TASP1: variants seen among roughly 807,000 people sequenced by gnomAD.
TASP1 encodes taspase 1, also known as threonine aspartase 1.
Under a neutral mutation model 56.6 loss-of-function variants are expected in TASP1, and 16 were observed. That is an observed-to-expected ratio of 0.28 (90% CI 0.19 to 0.43). TASP1 has a LOEUF of 0.43. Among genes scored for constraint, TASP1 ranks in the 20% least tolerant of loss-of-function variants. TASP1 has a pLI of 1.00. For synonymous variants in TASP1, 179 were observed against 184.2 expected, an observed-to-expected ratio of 0.97 and a Z score of 0.23; for missense variants, 393 against 511.6, an observed-to-expected ratio of 0.77 and a Z score of 2.24.
the TASP1 span, among the ~76,000 whole-genome samples, chr20:13,151,345 T>G: frequency 6.6e-6 from 1 of 152,220 alleles, no homozygotes; most frequent in Non-Finnish European, 1.5e-5. Context: ...GATAGACCAG[T>G]GTATGGCTTC....
At chr20:13,296,492 C>G in the TASP1 span, among the ~76,000 whole-genome samples, 1 of 152,216 alleles carries the variant, frequency 6.6e-6, no homozygotes, top group East Asian at 1.9e-4. Flanking sequence ...ACCATAAGAT[C>G]TGCAAGCATC....
the TASP1 span, among the ~76,000 whole-genome samples, chr20:13,133,605 A>G: frequency 6.6e-6 from 1 of 152,126 alleles, no homozygotes; most frequent in African/African-American, 2.4e-5. Context: ...ATGGTGGCAC[A>G]AACCTGTAAT....
chr20:13,361,224 G>A, the TASP1 span, among the ~76,000 whole-genome samples: 1 of 152,116 alleles, frequency 6.6e-6, no homozygotes, highest in Non-Finnish European at 1.5e-5. Flanking sequence ...CTTAGTCTAG[G>A]TAGACGCTTT....
At chr20:13,468,417 C>A (rs2044347179) in intron 11 of TASP1, among the ~76,000 whole-genome samples, 1 of 152,128 alleles carries the variant, frequency 6.6e-6, no homozygotes, top group Non-Finnish European at 1.5e-5. Flanking sequence ...ACACTTCATT[C>A]TTCTCTCAAG....
chr20:13,285,578 G>A, the TASP1 span, among the ~76,000 whole-genome samples: 11 of 152,154 alleles, frequency 7.2e-5, no homozygotes, highest in South Asian at 2.1e-4. Flanking sequence ...GCAGCAAGAC[G>A]GAATGCACGG....
At chr20:13,574,084 T>G (rs905845115) in intron 6 of TASP1, among the ~76,000 whole-genome samples, 3 of 150,342 alleles carry the variant, frequency 2.0e-5, no homozygotes, top group African/African-American at 7.4e-5. Flanking sequence ...TAAGAAGAAA[T>G]TACCCAAAGC....
chr20:13,214,743 A>G, the TASP1 span, among the ~76,000 whole-genome samples: 1 of 152,062 alleles, frequency 6.6e-6, no homozygotes, highest in African/African-American at 2.4e-5. Flanking sequence ...GCCAGCTTGT[A>G]AAAAGCCTGG....
At chr20:13,146,149 A>G in the TASP1 span, among the ~76,000 whole-genome samples, 1 of 152,218 alleles carries the variant, frequency 6.6e-6, no homozygotes, top group Non-Finnish European at 1.5e-5. Flanking sequence ...GCTGGAGGCT[A>G]TTCTCCTTAG....
intron 10 of TASP1, among the ~76,000 whole-genome samples, chr20:13,503,263 C>T (rs930519727): frequency 2.0e-5 from 3 of 152,088 alleles, no homozygotes; most frequent in Non-Finnish European, 4.4e-5. Context: ...TTCACAACAC[C>T]TTCCCCCAGG....
chr20:13,153,824 A>G, the TASP1 span, among the ~76,000 whole-genome samples: 10 of 152,142 alleles, frequency 6.6e-5, no homozygotes, highest in Admixed American at 2.0e-4. Context: ...GGTGCAAGGT[A>G]GTACCTGGGC....
chr20:13,590,137 C>T (rs2047466975), intron 4 of TASP1, among the ~76,000 whole-genome samples: 2 of 152,102 alleles, frequency 1.3e-5, no homozygotes, highest in Non-Finnish European at 2.9e-5. Flanking sequence ...GAGGCTGAGG[C>T]ACGAGAATCG....
At chr20:13,331,696 T>C in the TASP1 span, among the ~76,000 whole-genome samples, 8 of 149,948 alleles carry the variant, frequency 5.3e-5, no homozygotes, top group South Asian at 1.7e-3. Flanking sequence ...TTTCTGTCAC[T>C]TGCACTGAAA....
chr20:13,538,982 A>G, intron 8 of TASP1, among the ~76,000 whole-genome samples: 1 of 152,100 alleles, frequency 6.6e-6, no homozygotes, highest in East Asian at 1.9e-4. Context: ...CAGGAGGTGG[A>G]GGTTGCAGTG....
the TASP1 span, among the ~76,000 whole-genome samples, chr20:13,368,053 AT>A: frequency 6.6e-6 from 1 of 152,196 alleles, no homozygotes; most frequent in Non-Finnish European, 1.5e-5. Context: ...TTTCACAAAT[AT>A]TTTGATTCCA....
chr20:13,163,259 T>C, the TASP1 span, among the ~76,000 whole-genome samples: 1 of 149,546 alleles, frequency 6.7e-6, no homozygotes, highest in Non-Finnish European at 1.5e-5. Context: ...TCCCAGCTAC[T>C]CGAACTGCTG....
At chr20:13,443,576 G>A (rs374593925) in intron 11 of TASP1, among the ~76,000 whole-genome samples, 3 of 152,268 alleles carry the variant, frequency 2.0e-5, no homozygotes, top group African/African-American at 7.2e-5. Context: ...TACAGATGGT[G>A]AGACACACTC....
At chr20:13,330,512 G>C in the TASP1 span, among the ~76,000 whole-genome samples, 1 of 152,120 alleles carries the variant, frequency 6.6e-6, no homozygotes, top group African/African-American at 2.4e-5. Context: ...TTGGTATCAG[G>C]AAAATACTGG....
chr20:13,365,295 G>C, the TASP1 span, among the ~76,000 whole-genome samples: 1 of 152,082 alleles, frequency 6.6e-6, no homozygotes, highest in Non-Finnish European at 1.5e-5. Flanking sequence ...CTAGACATTA[G>C]GAATTGAGCA....
the TASP1 span, among the ~76,000 whole-genome samples, chr20:13,221,233 TCCTC>T: frequency 6.5e-5 from 9 of 137,708 alleles, no homozygotes; most frequent in African/African-American, 2.5e-4. Flanking sequence ...CTCCTCCTCC[TCCTC>T]CTCCTCCTCC....
Sources: gnomAD v4.1 joint callset for allele counts (sites outside exome capture counted in the v4.1 genomes callset) on GRCh38, gnomAD v4.1.1 for gene constraint, MANE v1.5 for transcripts, NCBI Gene and HGNC (gene_info 2026-07-23, HGNC 2026-07-21) for gene names.